VWC2: variants seen among roughly 807,000 people sequenced by gnomAD.
VWC2 encodes von Willebrand factor C domain containing 2.
In VWC2, 14 loss-of-function variants were observed where a neutral mutation model predicts 29.8. That is an observed-to-expected ratio of 0.47 (90% CI 0.31 to 0.74). The LOEUF is 0.74. Ranked by LOEUF, VWC2 falls within the 30% of genes least tolerant of loss-of-function variation. The probability of loss-of-function intolerance (pLI) is 0.05; values close to 1 mark genes in which losing one functional copy is unlikely to be tolerated. For synonymous variants in VWC2, 213 were observed against 199.0 expected (o/e 1.07, Z -0.59); for missense variants, 457 against 459.8 (o/e 0.99, Z 0.05).
In VWC2 at chr7:49,802,794, G is replaced by T; in HGVS notation, c.780G>T (p.Val260=). The T allele has an allele frequency of 1.9e-6, 3 of 1,614,196 alleles. No individual in the cohort carries two copies. The highest frequency in any genetic ancestry group is 2.5e-6 in the Non-Finnish European group (3 of 1,180,048). ...TVSACPQTEC[V]DPVYEPDQCC... ...CAGCGTGTCCCCAGACGGAGTGTGTGGACCCTGTGTACGAGCCTGATCAGT... is the reference window on the plus strand; with the variant it reads ...CAGCGTGTCCCCAGACGGAGTGTGTTGACCCTGTGTACGAGCCTGATCAGT... The change falls in exon 3 of 4, where the codon GTG becomes GTT. Residue 260 remains valine (V), a synonymous_variant. Transcript: ENST00000340652.
At chr7:49,906,437 G>A (rs1466527260) in intron 3 of VWC2, among the ~76,000 whole-genome samples, 1 of 151,954 alleles carries the variant, frequency 6.6e-6, no homozygotes, top group Non-Finnish European at 1.5e-5. Context: ...CTGGGTTCAC[G>A]CCATTTTCCT....
chr7:49,862,726 G>GTTTT (rs3062198), intron 3 of VWC2, among the ~76,000 whole-genome samples: 51 of 143,562 alleles, frequency 3.6e-4, no homozygotes, highest in African/African-American at 1.2e-3. Flanking sequence ...ATGACCATGA[G>GTTTT]TTTTTTTTTT....
At chr7:49,797,357 G>T (rs968996339) in intron 2 of VWC2, among the ~76,000 whole-genome samples, 1 of 152,136 alleles carries the variant, frequency 6.6e-6, no homozygotes, top group Non-Finnish European at 1.5e-5. Flanking sequence ...GCTCATGAGT[G>T]GGCAGTGCAT....
rs149322163 is a variant in VWC2 at position 49,795,097 on chromosome 7, T to C, written c.697-7614T>C. Among the ~76,000 whole-genome samples the C allele has an allele frequency of 5.9e-5, 9 of 152,310 alleles. No individual in the cohort carries two copies. The East Asian group carries it at 1.5e-3, about 26-fold the overall frequency. On this transcript the variant is annotated intron_variant, in intron 2 of 3. Transcript: ENST00000340652. ...CTTGAGAACACAAGGAGAGATAATG[T>C]AGTAAGCCTATGCAATTGATCAAGA...
At chr7:49,902,462 T>TGCAAGG (rs1007518517) in intron 3 of VWC2, among the ~76,000 whole-genome samples, 8 of 151,226 alleles carry the variant, frequency 5.3e-5, no homozygotes, top group African/African-American at 1.9e-4. Flanking sequence ...TTGACAAAGG[T>TGCAAGG]GCAAAGGTAA....
rs562990588 is a variant in VWC2, at chr7:49,806,216, T to A, written c.826+3376T>A. ...AACCCCTTAGTTTTAGACATGCTTG[T>A]CTGCATTAAGTAGGCACTAGGCTCC... is the stretch of plus-strand genomic sequence containing the variant. On this transcript the variant is annotated intron_variant, in intron 3 of 3. Coordinates refer to ENST00000340652, the MANE Select transcript of VWC2 (RefSeq NM_198570.5). Among the ~76,000 whole-genome samples the A allele has an allele frequency of 7.9e-5, 12 of 152,374 alleles. 1 individual carries two copies. The highest frequency in any genetic ancestry group is 2.9e-4 in the African/African-American group (12 of 41,588).
At chr7:49,812,653 T>G (rs1352543716) in intron 3 of VWC2, among the ~76,000 whole-genome samples, 2 of 152,086 alleles carry the variant, frequency 1.3e-5, no homozygotes. Context: ...CACCCAGCAG[T>G]GTGAGCAGTG....
chr7:49,795,912 A>G (rs1325110776), intron 2 of VWC2, among the ~76,000 whole-genome samples: 2 of 152,294 alleles, frequency 1.3e-5, no homozygotes, highest in East Asian at 1.9e-4. Context: ...GTGATAGATC[A>G]TCTGTGTCCA....
intron 3 of VWC2, among the ~76,000 whole-genome samples, chr7:49,851,462 C>T (rs997210169): frequency 3.3e-5 from 5 of 152,194 alleles, no homozygotes; most frequent in African/African-American, 9.7e-5. Flanking sequence ...GGGACACTTG[C>T]TTAGCGCAAT....
At chr7:49,841,853 G>A (rs985174194) in intron 3 of VWC2, among the ~76,000 whole-genome samples, 14 of 152,100 alleles carry the variant, frequency 9.2e-5, no homozygotes, top group Admixed American at 6.5e-4. Context: ...CCTAGGAGGA[G>A]AATGTTGTAA....
intron 3 of VWC2, among the ~76,000 whole-genome samples, chr7:49,819,810 TCC>T (rs1185807712): frequency 6.6e-6 from 1 of 152,178 alleles, no homozygotes; most frequent in Non-Finnish European, 1.5e-5. Flanking sequence ...TAGTGTGGGC[TCC>T]TCTGGTACCA....
At chr7:49,796,362 T>C (rs968509099) in intron 2 of VWC2, among the ~76,000 whole-genome samples, 37 of 152,194 alleles carry the variant, frequency 2.4e-4, no homozygotes, top group African/African-American at 8.4e-4. Flanking sequence ...AATTACTCTC[T>C]AGCTGCCGAA....
intron 3 of VWC2, among the ~76,000 whole-genome samples, chr7:49,824,590 C>G (rs539417675): frequency 6.6e-6 from 1 of 152,174 alleles, no homozygotes; most frequent in South Asian, 2.1e-4. Flanking sequence ...TCTACAAAAA[C>G]CCTGTTTTGA....
chr7:49,823,041 AGTGAGTGGAT>A (rs1789300698), intron 3 of VWC2, among the ~76,000 whole-genome samples: 2 of 152,132 alleles, frequency 1.3e-5, no homozygotes, highest in Non-Finnish European at 2.9e-5. Flanking sequence ...GAACTGTGGG[AGTGAGTGGAT>A]GTGTTTTACT....
chr7:49,895,439 C>A (rs1036989140), intron 3 of VWC2, among the ~76,000 whole-genome samples: 1 of 152,142 alleles, frequency 6.6e-6, no homozygotes, highest in Non-Finnish European at 1.5e-5. Context: ...CTCATGGAGT[C>A]CAGATGGTAT....
rs545565775 is a variant in VWC2, at chr7:49,809,844, A to G, written c.826+7004A>G. On this transcript the variant is annotated intron_variant, in intron 3 of 3. Coordinates refer to ENST00000340652, the MANE Select transcript of VWC2 (RefSeq NM_198570.5). ...CACTCATTTATGATTGAAGCTTTCA[A>G]CAAACTAGGCATAAAAGGGAACTTT... Among the ~76,000 whole-genome samples, 7 of 152,180 alleles carry G rather than the reference A, an allele frequency of 4.6e-5. No individual in the cohort carries two copies. In the South Asian group the frequency reaches 8.3e-4, roughly 18 times the overall value.
chr7:49,893,336 TC>T (rs1230330330), intron 3 of VWC2, among the ~76,000 whole-genome samples: 1 of 152,182 alleles, frequency 6.6e-6, no homozygotes, highest in Non-Finnish European at 1.5e-5. Flanking sequence ...TGCATAGCAC[TC>T]CCTGGGAGTC....
chr7:49,840,096 C>T (rs1481411760), intron 3 of VWC2, among the ~76,000 whole-genome samples: 1 of 152,246 alleles, frequency 6.6e-6, no homozygotes, highest in Non-Finnish European at 1.5e-5. Flanking sequence ...CTTTACTTGG[C>T]TCTCACTTTG....
At position 49,912,342 on chromosome 7, in the gene VWC2, CAG is replaced by C; in HGVS notation, c.*159_*160del. On this transcript the variant is annotated 3_prime_UTR_variant, in exon 4 of 4. Coordinates refer to ENST00000340652, the MANE Select transcript of VWC2 (RefSeq NM_198570.5). ...CTTTTCTTGATAACAGTTACTACAA[CAG>C]AAGGAAATGGATATATTTCAAAACA... The C allele has an allele frequency of 1.4e-6, 1 of 691,724 alleles. No individual in the cohort carries two copies. Among genetic ancestry groups the C allele is most frequent in the South Asian group, 2.6e-5 (1 of 39,024 alleles). 42.8% of individuals were successfully genotyped at this position (691,724 alleles called of 1,614,324 possible). A position where few individuals can be genotyped will look rare whatever the true frequency, so the allele number is the denominator to read the frequency against.
Sources: gnomAD v4.1 joint callset for allele counts (sites outside exome capture counted in the v4.1 genomes callset) on GRCh38, gnomAD v4.1.1 for gene constraint, MANE v1.5 for transcripts, NCBI Gene and HGNC (gene_info 2026-07-23, HGNC 2026-07-21) for gene names.